Variants in TRIP12 observed in about 807,000 individuals in gnomAD.
TRIP12 encodes the protein E3 ubiquitin-protein ligase TRIP12.
TRIP12 carries 25 observed loss-of-function variants against 244.2 expected under a neutral mutation model. The observed-to-expected ratio is 0.10, with a 90% CI of 0.07 to 0.14. TRIP12 has a LOEUF of 0.14. Ranked by LOEUF, TRIP12 falls within the 10% of genes least tolerant of loss-of-function variation. The pLI is 1.00. For missense variants in TRIP12, 1,677 were observed against 2,486.4 expected, an observed-to-expected ratio of 0.67 and a Z score of 6.92; for synonymous variants, 905 against 873.1, an observed-to-expected ratio of 1.04 and a Z score of -0.64.
chr2:229,778,407 C>A lies in TRIP12; in HGVS notation c.5364+26G>T, dbSNP rs548051189. 35 of 1,612,874 alleles carry A rather than the reference C, an allele frequency of 2.2e-5. No individual in the cohort carries two copies. In the East Asian group the frequency reaches 7.8e-4, roughly 36 times the overall value. On this transcript the variant is annotated intron_variant, in intron 36 of 41. Coordinates refer to ENST00000675903, the MANE Select transcript of TRIP12 (RefSeq NM_001348323.3). The surrounding 1 kb of genome is among the most constrained non-coding windows in gnomAD (Gnocchi z 4.1). ...CACAGAACATTCTACACCAAAACTG[C>A]AAAAAGCAAACCATCCTAAACTTAC...
intron 39 of TRIP12, among the ~76,000 whole-genome samples, chr2:229,771,258 AATGGC>A (rs2034223404): frequency 6.6e-6 from 1 of 152,204 alleles, no homozygotes; most frequent in Non-Finnish European, 1.5e-5. Context: ...TTCTCCACTG[AATGGC>A]ATTGAGGGTC....
intron 34 of TRIP12, among the ~76,000 whole-genome samples, chr2:229,785,222 AT>A (rs1264319006): frequency 6.6e-6 from 1 of 152,240 alleles, no homozygotes; most frequent in Non-Finnish European, 1.5e-5. Flanking sequence ...CATTTATGAT[AT>A]TGTAAAAAAG....
In TRIP12 at chr2:229,767,635, C is replaced by G. The variant is rs747909233; in HGVS notation, c.6123G>C (p.Pro2041=). ...VMTCVNYLKL[P]DYSSIEIMRE... ...GCATTATCTCAATGCTTGAATAGTC[C>G]GGCAACTTAAGATAGTTCACACAAG... The change falls in exon 42 of 42, where the codon CCG becomes CCC. Residue 2041 remains proline, a synonymous_variant. Transcript: ENST00000675903. 1 of 1,614,072 alleles carries G rather than the reference C, an allele frequency of 6.2e-7. No individual in the cohort carries two copies. Among genetic ancestry groups the G allele is most frequent in the South Asian group, 1.1e-5 (1 of 91,062 alleles).
chr2:229,827,194 C>A (rs180900111), intron 8 of TRIP12, among the ~76,000 whole-genome samples: 12 of 151,802 alleles, frequency 7.9e-5, no homozygotes, highest in African/African-American at 2.9e-4. Flanking sequence ...GCAGGAGAAT[C>A]GCTTGAACCT....
At chr2:229,769,124 C>T in intron 40 of TRIP12, 107 bp downstream of exon 40, 2 of 901,804 alleles carry the variant, frequency 2.2e-6, no homozygotes, top group East Asian at 5.5e-5. Flanking sequence ...TTAAAATGAA[C>T]CACTCCAACT....
intron 34 of TRIP12, among the ~76,000 whole-genome samples, chr2:229,779,726 G>A (rs2037472515): frequency 6.6e-6 from 1 of 152,156 alleles, no homozygotes; most frequent in African/African-American, 2.4e-5. Flanking sequence ...GCCACGTCCT[G>A]AAGATTCTGA....
chr2:229,788,107 C>T (rs2040541681), intron 32 of TRIP12, among the ~76,000 whole-genome samples: 1 of 152,068 alleles, frequency 6.6e-6, no homozygotes, highest in Admixed American at 6.6e-5. Flanking sequence ...CCAGCCAGGT[C>T]AATTAATTTT....
At position 229,777,474 on chromosome 2, in the gene TRIP12, G is replaced by A. The variant is rs2036623313; in HGVS notation, c.5370C>T (p.Asp1790=). The A allele has an allele frequency of 9.3e-6, 15 of 1,613,674 alleles. No homozygotes were observed. Among genetic ancestry groups the A allele is most frequent in the South Asian group, 4.4e-5 (4 of 91,046 alleles). ...TATAAAAGGGTAAGCCAAGGGGAAG[G>A]TCCACCTGAAATGGAATATGCATAA... is the stretch of plus-strand genomic sequence containing the variant. ...AKAIMDFRLV[D]LPLGLPFYKW... The change falls in exon 37 of 42, where the codon GAC becomes GAT. Residue 1790 remains aspartate, a synonymous_variant. Coordinates refer to ENST00000675903, the MANE Select transcript of TRIP12 (RefSeq NM_001348323.3).
At chr2:229,831,979 C>CA (rs1306626224) in intron 6 of TRIP12, among the ~76,000 whole-genome samples, 6 of 148,806 alleles carry the variant, frequency 4.0e-5, no homozygotes, top group African/African-American at 1.5e-4. Flanking sequence ...TGACAGAATG[C>CA]AAGCCAGGAA....
intron 14 of TRIP12, 45 bp from the exon 15 acceptor site, chr2:229,811,090 C>T (rs752740187): frequency 1.2e-6 from 2 of 1,613,492 alleles, no homozygotes; most frequent in South Asian, 1.1e-5. Flanking sequence ...CAAGATTCAG[C>T]AATTCAACAA....
intron 40 of TRIP12, among the ~76,000 whole-genome samples, chr2:229,768,934 C>T (rs2154226215): frequency 6.6e-6 from 1 of 152,290 alleles, no homozygotes; most frequent in African/African-American, 2.4e-5. Flanking sequence ...TGATCTGGTA[C>T]TGTACAGATA....
intron 16 of TRIP12, 28 bp from the exon 17 acceptor site, chr2:229,807,892 G>A (rs761895246): frequency 5.7e-6 from 9 of 1,591,520 alleles, no homozygotes; most frequent in Non-Finnish European, 7.7e-6. Context: ...AATAATTTTA[G>A]TAACTTTATG....
chr2:229,768,544 T>C, intron 41 of TRIP12, 72 bp downstream of exon 41: 7 of 1,354,164 alleles, frequency 5.2e-6, no homozygotes, highest in Non-Finnish European at 7.2e-6. Context: ...CTCCTGCTGA[T>C]GGTACTGAAG....
intron 1 of TRIP12, among the ~76,000 whole-genome samples, chr2:229,884,864 A>T (rs144183148): frequency 6.6e-6 from 1 of 152,294 alleles, no homozygotes; most frequent in Non-Finnish European, 1.5e-5. Flanking sequence ...CCAGCAACTC[A>T]GAAGGCTGAG....
rs115626933 is a variant in TRIP12 at position 229,777,886 on chromosome 2, C to T, written c.5365-407G>A. ...TGCCTCCGAAAACATGAGAAGAGCACGGTGGCTCATGCCTGTAATTCCAGT... is the reference window on the plus strand; with the variant it reads ...TGCCTCCGAAAACATGAGAAGAGCATGGTGGCTCATGCCTGTAATTCCAGT... On this transcript the variant is annotated intron_variant, in intron 36 of 41. Transcript: ENST00000675903. 5.8e-3 allele frequency among the ~76,000 whole-genome samples: 878 copies of T among 152,244 alleles called. 7 individuals are homozygous for T. The highest frequency in any genetic ancestry group is 0.019 in the African/African-American group (794 of 41,524).
chr2:229,811,238 A>C (rs2047169626), intron 13 of TRIP12, 34 bp from the exon 14 acceptor site: 13 of 1,586,334 alleles, frequency 8.2e-6, no homozygotes, highest in Non-Finnish European at 1.1e-5. Context: ...AAAATTTATT[A>C]GCATAAAGCA....
chr2:229,887,754 T>A (rs2066358595), intron 1 of TRIP12, among the ~76,000 whole-genome samples: 1 of 152,224 alleles, frequency 6.6e-6, no homozygotes, highest in South Asian at 2.1e-4. Context: ...CCTTTCAATG[T>A]CCTAGGAAAT....
In TRIP12 at chr2:229,799,170, C is replaced by T. The variant is rs560424947; in HGVS notation, c.3307+113G>A. The T allele has an allele frequency of 4.4e-5, 66 of 1,498,730 alleles. No individual in the cohort carries two copies. In the Admixed American group the frequency reaches 7.2e-4, roughly 16 times the overall value. The allele number at this position is 1,498,730 out of a possible 1,614,324, so 92.8% of individuals were successfully genotyped here. A position where few individuals can be genotyped will look rare whatever the true frequency, so the allele number is the denominator to read the frequency against. ...ACTGAAAGAACTAAGAACACTTAGT[C>T]CTCAGGAAACTTAGGCATACTTCAA... On this transcript the variant is annotated intron_variant, in intron 22 of 41. Transcript: ENST00000675903.
chr2:229,842,002 T>TGCTA (rs1430270265), intron 4 of TRIP12, among the ~76,000 whole-genome samples: 9 of 152,226 alleles, frequency 5.9e-5, no homozygotes, highest in Non-Finnish European at 8.8e-5. Flanking sequence ...AAAGGAGAGT[T>TGCTA]GCTAAGTGAA....
Sources: gnomAD v4.1 joint callset for allele counts (sites outside exome capture counted in the v4.1 genomes callset) on GRCh38, gnomAD v4.1.1 for gene constraint, Gnocchi (gnomAD v3.1) non-coding constraint, MANE v1.5 for transcripts, NCBI Gene and HGNC (gene_info 2026-07-23, HGNC 2026-07-21) for gene names.